GABRG1: variants seen among roughly 807,000 people sequenced by gnomAD.
GABRG1 encodes gamma-aminobutyric acid type A receptor subunit gamma1, also known as gamma-aminobutyric acid receptor subunit gamma-1.
In GABRG1, 49 loss-of-function variants were observed where a neutral mutation model predicts 49.8. The ratio of observed to expected loss-of-function variants is 0.98; its 90% CI spans 0.78 to 1.25. The LOEUF (loss-of-function observed/expected upper bound fraction) is 1.25. Ranked by LOEUF, GABRG1 falls within the 50% of genes most tolerant of loss-of-function variation. The pLI is 0.00. For synonymous variants in GABRG1, 232 were observed against 185.1 expected (o/e 1.25, Z -2.06); for missense variants, 552 against 552.3 (o/e 1.00, Z 0.01).
chr4:46,044,850 A>G (rs1167425732), intron 8 of GABRG1, among the ~76,000 whole-genome samples: 4 of 152,136 alleles, frequency 2.6e-5, no homozygotes, highest in Non-Finnish European at 5.9e-5. Context: ...ATAACTTCTA[A>G]AAAATGAGAA....
intron 1 of GABRG1, among the ~76,000 whole-genome samples, 193 bp downstream of exon 1, chr4:46,123,617 T>C (rs1465973824): frequency 6.6e-6 from 1 of 152,110 alleles, no homozygotes; most frequent in African/African-American, 2.4e-5. Flanking sequence ...AATCTCATGC[T>C]TCAGAAATAT....
chr4:46,067,417 A>T (rs1718959469), intron 3 of GABRG1, among the ~76,000 whole-genome samples: 1 of 152,142 alleles, frequency 6.6e-6, no homozygotes, highest in African/African-American at 2.4e-5. Flanking sequence ...AATTCTGAAT[A>T]ATTTATTCAT....
At chr4:46,075,137 C>G (rs907875593) in intron 3 of GABRG1, among the ~76,000 whole-genome samples, 2 of 151,794 alleles carry the variant, frequency 1.3e-5, no homozygotes, top group Non-Finnish European at 2.9e-5. Flanking sequence ...AACACGGTTT[C>G]TTTCAATGAC....
Position 46,124,000 on chromosome 4 carries a change from CAG to C in GABRG1, c.-89_-88del. ...CACCTCAGCAGCAGCTGGCTGAGTA[CAG>C]AAGGGAGAGTGTGGAAAGGCAGTGC... On this transcript the variant is annotated 5_prime_UTR_variant, in exon 1 of 9. Coordinates refer to ENST00000295452, the MANE Select transcript of GABRG1 (RefSeq NM_173536.4). The C allele has an allele frequency of 1.0e-6, 1 of 963,982 alleles. No individual in the cohort carries two copies. The highest frequency in any genetic ancestry group is 1.4e-5 in the South Asian group (1 of 70,618). 59.7% of individuals were successfully genotyped at this position (963,982 alleles called of 1,614,324 possible).
intron 8 of GABRG1, 127 bp downstream of exon 8, chr4:46,051,297 T>C (rs1718208628): frequency 5.8e-6 from 4 of 687,632 alleles, no homozygotes; most frequent in Non-Finnish European, 9.5e-6. Flanking sequence ...TCCAGTTTCA[T>C]CTTAACTTTG....
chr4:46,123,775 G>A (rs1721168980), intron 1 of GABRG1, 35 bp downstream of exon 1: 2 of 1,473,474 alleles, frequency 1.4e-6, no homozygotes, highest in South Asian at 2.3e-5. Flanking sequence ...GGGGTAGATA[G>A]CAAAGAATAG....
intron 3 of GABRG1, among the ~76,000 whole-genome samples, chr4:46,083,096 C>T (rs1054008526): frequency 1.3e-5 from 2 of 151,660 alleles, no homozygotes; most frequent in Non-Finnish European, 3.0e-5. Context: ...GCACTGTATT[C>T]CTACATCTGA....
At chr4:46,068,601 C>A (rs1719001592) in intron 3 of GABRG1, among the ~76,000 whole-genome samples, 1 of 152,058 alleles carries the variant, frequency 6.6e-6, no homozygotes, top group Non-Finnish European at 1.5e-5. Flanking sequence ...ATAATCCATC[C>A]ATCCCAAGCC....
At chr4:46,080,161 C>T (rs11941860) in intron 3 of GABRG1, among the ~76,000 whole-genome samples, 17,664 of 151,562 alleles carry the variant, frequency 0.12, 1,166 homozygotes, top group African/African-American at 0.15. Flanking sequence ...AAAAGAAACA[C>T]CCATTTTGCA....
chr4:46,107,147 G>C (rs1370507702), intron 1 of GABRG1, among the ~76,000 whole-genome samples: 1 of 151,048 alleles, frequency 6.6e-6, no homozygotes, highest in Non-Finnish European at 1.5e-5. Flanking sequence ...GAAGTAGTAG[G>C]TTTTATTCAT....
chr4:46,110,672 A>G (rs1490789037), intron 1 of GABRG1, among the ~76,000 whole-genome samples: 1 of 151,248 alleles, frequency 6.6e-6, no homozygotes, highest in Non-Finnish European at 1.5e-5. Context: ...AGTAGGTTCT[A>G]TTCCTGGGAT....
intron 2 of GABRG1, among the ~76,000 whole-genome samples, chr4:46,087,729 C>T (rs1286698818): frequency 6.6e-6 from 1 of 151,850 alleles, no homozygotes; most frequent in Non-Finnish European, 1.5e-5. Flanking sequence ...GTTCCAGTTT[C>T]CCTAGACTAT....
chr4:46,083,939 A>C, intron 3 of GABRG1, 47 bp downstream of exon 3: 3 of 1,021,536 alleles, frequency 2.9e-6, no homozygotes, highest in Non-Finnish European at 4.5e-6. Context: ...GGAGGTATAC[A>C]CGAGAGATCT....
intron 2 of GABRG1, among the ~76,000 whole-genome samples, chr4:46,089,505 C>T (rs1312500431): frequency 2.0e-5 from 3 of 152,042 alleles, no homozygotes; most frequent in Admixed American, 2.0e-4. Context: ...CCTTTCTTAC[C>T]ATCCTCTTAC....
intron 2 of GABRG1, 34 bp from the exon 3 acceptor site, chr4:46,084,087 T>C: frequency 8.3e-7 from 1 of 1,202,706 alleles, no homozygotes; most frequent in Non-Finnish European, 1.2e-6. Context: ...AGGTCAAAGA[T>C]ATGATTAGAC....
At chr4:46,097,170 T>C in intron 2 of GABRG1, 31 bp downstream of exon 2, 1 of 1,578,610 alleles carries the variant, frequency 6.3e-7, no homozygotes, top group Non-Finnish European at 8.6e-7. Flanking sequence ...TTAATGGTCA[T>C]CAAAATCCCA....
chr4:46,035,883 A>T lies in GABRG1; in HGVS notation c.*5105T>A, dbSNP rs1274872353. ...AGACACCTTTGCCACAAAATTACAAATGTTCCTCAAAACAATGAGGCAGTA... is the reference window on the plus strand; with the variant it reads ...AGACACCTTTGCCACAAAATTACAATTGTTCCTCAAAACAATGAGGCAGTA... On this transcript the variant is annotated 3_prime_UTR_variant, in exon 9 of 9. Transcript: ENST00000295452. 6.6e-6 allele frequency: 1 copy of T among 151,978 alleles called. No homozygotes were observed. Among genetic ancestry groups the T allele is most frequent in the East Asian group, 1.9e-4 (1 of 5,184 alleles). 9.4% of individuals were successfully genotyped at this position (151,978 alleles called of 1,614,324 possible). A position where few individuals can be genotyped will look rare whatever the true frequency, so the allele number is the denominator to read the frequency against.
At chr4:46,066,523 A>G (rs2109410037) in intron 3 of GABRG1, among the ~76,000 whole-genome samples, 1 of 152,318 alleles carries the variant, frequency 6.6e-6, no homozygotes, top group South Asian at 2.1e-4. Context: ...CTCACATCAC[A>G]GAACTAATAA....
chr4:46,122,886 A>G (rs761927939), intron 1 of GABRG1, among the ~76,000 whole-genome samples: 5 of 152,090 alleles, frequency 3.3e-5, no homozygotes, highest in African/African-American at 1.2e-4. Context: ...CCAGACCTTT[A>G]TAAGTGTCTA....
Sources: allele counts gnomAD v4.1 joint callset (sites outside exome capture counted in the v4.1 genomes callset), GRCh38; gene constraint gnomAD v4.1.1; transcripts MANE v1.5; gene names NCBI Gene and HGNC (gene_info 2026-07-23, HGNC 2026-07-21).